Variants in PRKCZ observed in about 807,000 individuals in gnomAD.
PRKCZ encodes the protein protein kinase C zeta type.
Under a neutral mutation model 79.5 loss-of-function variants are expected in PRKCZ, and 33 were observed. That is an observed-to-expected ratio of 0.41 (90% CI 0.31 to 0.55). PRKCZ has a LOEUF of 0.55. Ranked by LOEUF, PRKCZ falls within the 20% of genes least tolerant of loss-of-function variation. The pLI, the probability that PRKCZ is intolerant of heterozygous loss-of-function variation, is 0.19. For synonymous variants in PRKCZ, 342 were observed against 320.9 expected, an observed-to-expected ratio of 1.07 and a Z score of -0.70; for missense variants, 578 against 813.5, an observed-to-expected ratio of 0.71 and a Z score of 3.52.
intron 4 of PRKCZ, among the ~76,000 whole-genome samples, chr1:2,068,491 C>G (rs1233061946): frequency 6.6e-6 from 1 of 152,278 alleles, no homozygotes; most frequent in Non-Finnish European, 1.5e-5. Context: ...TCTTTTCTCA[C>G]TGGAACACCG....
In PRKCZ at chr1:2,173,968, A is replaced by G. The variant is rs377184000; in HGVS notation, c.1357A>G (p.Ile453Val). ...EMMAGRSPFDIITDNPDMNTE... is the reference protein window; with the variant it reads ...EMMAGRSPFDVITDNPDMNTE... ...GATGGCCGGGCGCTCCCCGTTCGAC[A>G]TCATCACCGACAACCCGGACATGAA... The change falls in exon 14 of 18, where the codon ATC becomes GTC. Residue 453 changes from isoleucine to valine, a missense_variant. Transcript: ENST00000378567. This position sits in a 1 kb window ranked among gnomAD's most constrained non-coding sequence, Gnocchi z 5.7. The G allele has an allele frequency of 3.2e-5, 51 of 1,612,620 alleles. No individual in the cohort carries two copies. The highest frequency in any genetic ancestry group is 1.7e-5 in the Admixed American group (1 of 59,824).
intron 1 of PRKCZ, 135 bp downstream of exon 1, chr1:2,050,836 G>C (rs1042856300): frequency 2.0e-6 from 1 of 503,976 alleles, no homozygotes; most frequent in African/African-American, 2.0e-5. Flanking sequence ...GCTGTCGCGG[G>C]AGGTCCTCGG....
intron 4 of PRKCZ, among the ~76,000 whole-genome samples, chr1:2,065,614 G>A (rs976321012): frequency 3.3e-5 from 5 of 150,006 alleles, no homozygotes; most frequent in African/African-American, 7.4e-5. Context: ...GGGAGGCAGA[G>A]CTTGCAGTGA....
chr1:2,074,403 T>G, intron 4 of PRKCZ: 3 of 1,328,454 alleles, frequency 2.3e-6, no homozygotes, highest in Non-Finnish European at 3.1e-6. Context: ...GTTGGGAGTT[T>G]CACTGTGGCC....
chr1:2,083,128 C>G (rs78642620), intron 4 of PRKCZ, among the ~76,000 whole-genome samples: 3,916 of 152,218 alleles, frequency 0.026, 179 homozygotes, highest in African/African-American at 0.089. Context: ...GTTGCTGGCC[C>G]CAGAGTGTTC....
chr1:2,091,788 C>T lies in PRKCZ; in HGVS notation c.334+32197C>T, dbSNP rs1019985174. ...TCCCACTTGTTCCATGCGGACCCAC[C>T]GATTACCAGGTGGGAGCAGCAGGGG... On this transcript the variant is annotated intron_variant, in intron 4 of 17. Coordinates refer to ENST00000378567, the MANE Select transcript of PRKCZ (RefSeq NM_002744.6). 1.5e-4 allele frequency among the ~76,000 whole-genome samples: 23 copies of T among 152,228 alleles called. 1 individual carries two copies. Among genetic ancestry groups the T allele is most frequent in the Admixed American group, 9.8e-4 (15 of 15,290 alleles).
At chr1:2,085,013 A>C (rs1412965220) in intron 4 of PRKCZ, among the ~76,000 whole-genome samples, 8 of 148,234 alleles carry the variant, frequency 5.4e-5, no homozygotes, top group Non-Finnish European at 9.0e-5. Context: ...TCTTAAAAAA[A>C]GAAAAAAAAA....
chr1:2,165,385 C>T lies in PRKCZ; in HGVS notation c.975-4133C>T, dbSNP rs1442480189. The stretch of plus-strand genomic sequence containing the variant: ...TCATCTGATGTTGGGTCTGACAAGC[C>T]AGGAGCTGTGTGAGCCGGAGAACGT... On this transcript the variant is annotated intron_variant, in intron 10 of 17. Coordinates refer to ENST00000378567, the MANE Select transcript of PRKCZ (RefSeq NM_002744.6). This position sits in a 1 kb window ranked among gnomAD's most constrained non-coding sequence, Gnocchi z 4.1. 6.6e-6 allele frequency among the ~76,000 whole-genome samples: 1 copy of T among 152,040 alleles called. No individual in the cohort carries two copies. The highest frequency in any genetic ancestry group is 1.5e-5 in the Non-Finnish European group (1 of 68,006).
At position 2,181,436 on chromosome 1, in the gene PRKCZ, G is replaced by A. The variant is rs1039343363; in HGVS notation, c.1576-3147G>A. ...GGGCAACACCTGTTACTGCCACAGC[G>A]TCCGACCTGGGGCCAGCGTGCATTC... On this transcript the variant is annotated intron_variant, in intron 16 of 17. Transcript: ENST00000378567. Among the ~76,000 whole-genome samples, 7 of 152,232 alleles carry A rather than the reference G, an allele frequency of 4.6e-5. 2 individuals are homozygous for A. The highest frequency in any genetic ancestry group is 8.8e-5 in the Non-Finnish European group (6 of 68,040).
At chr1:2,162,429 G>A (rs1682501708) in intron 10 of PRKCZ, among the ~76,000 whole-genome samples, 1 of 152,208 alleles carries the variant, frequency 6.6e-6, no homozygotes, top group South Asian at 2.1e-4. Context: ...ACTGGGCCTG[G>A]CCCGAAACTG....
intron 4 of PRKCZ, among the ~76,000 whole-genome samples, chr1:2,129,192 G>A (rs916089317): frequency 1.6e-4 from 24 of 152,278 alleles, no homozygotes; most frequent in Middle Eastern, 3.4e-3. Flanking sequence ...GGGGGTTTTT[G>A]TGGTTGCTTC....
rs1663140488 is a variant in PRKCZ at position 2,079,808 on chromosome 1, C to T, written c.334+20217C>T. Among the ~76,000 whole-genome samples the T allele has an allele frequency of 2.6e-5, 4 of 152,096 alleles. No homozygotes were observed. In the South Asian group the frequency reaches 8.3e-4, roughly 31 times the overall value. ...TTGCGGCTTCCTGGGCCCCTGGTGA[C>T]CCGCATTTGTCTGCCCACATTGACT... On this transcript the variant is annotated intron_variant, in intron 4 of 17. Transcript: ENST00000378567.
intron 4 of PRKCZ, among the ~76,000 whole-genome samples, chr1:2,101,628 C>T (rs1036293600): frequency 7.2e-5 from 11 of 152,218 alleles, no homozygotes; most frequent in African/African-American, 1.2e-4. Context: ...TTCAAGTGCC[C>T]TGGGCTTCAG....
chr1:2,096,363 GCTGGGAGCACAGGTGTCGGCATCCCA>G (rs1666510709), intron 4 of PRKCZ, among the ~76,000 whole-genome samples: 1 of 152,084 alleles, frequency 6.6e-6, no homozygotes, highest in Admixed American at 6.5e-5. Context: ...CCGCCAGGCA[GCTGGGAGCACAGGTGTCGGCATCCCA>G]CTGGGAGCAC....
At chr1:2,084,908 CTGAGG>C (rs1664205820) in intron 4 of PRKCZ, among the ~76,000 whole-genome samples, 1 of 152,080 alleles carries the variant, frequency 6.6e-6, no homozygotes, top group African/African-American at 2.4e-5. Context: ...CTCGGGGAGG[CTGAGG>C]TGGGAGGATC....
intron 4 of PRKCZ, among the ~76,000 whole-genome samples, chr1:2,071,771 G>A (rs1359133845): frequency 2.0e-5 from 3 of 152,172 alleles, no homozygotes; most frequent in Admixed American, 6.5e-5. Context: ...TATTTCCTGT[G>A]GGAGCTCAGC....
At chr1:2,140,193 CTGA>C (rs1277887469) in intron 5 of PRKCZ, among the ~76,000 whole-genome samples, 2 of 152,202 alleles carry the variant, frequency 1.3e-5, no homozygotes, top group African/African-American at 2.4e-5. Context: ...CAAAGAATTC[CTGA>C]TGATAAATAA....
At chr1:2,111,970 T>C (rs1669824608) in intron 4 of PRKCZ, among the ~76,000 whole-genome samples, 1 of 152,200 alleles carries the variant, frequency 6.6e-6, no homozygotes, top group Non-Finnish European at 1.5e-5. Flanking sequence ...TGTGCCAGCC[T>C]CCCAGTTGGC....
At chr1:2,139,841 A>G (rs1048381762) in intron 5 of PRKCZ, among the ~76,000 whole-genome samples, 11 of 152,182 alleles carry the variant, frequency 7.2e-5, no homozygotes, top group African/African-American at 2.7e-4. Context: ...GTCTGGAGTT[A>G]GCTACTCCCT....
Sources: allele counts gnomAD v4.1 joint callset (sites outside exome capture counted in the v4.1 genomes callset), GRCh38; gene constraint gnomAD v4.1.1; non-coding constraint Gnocchi (gnomAD v3.1); transcripts MANE v1.5; gene names NCBI Gene and HGNC (gene_info 2026-07-23, HGNC 2026-07-21).